Variants in SLC22A24 observed in about 807,000 individuals in gnomAD.
SLC22A24 encodes solute carrier family 22 member 24.
In SLC22A24, 53 loss-of-function variants were observed where a neutral mutation model predicts 49.8. The ratio of observed to expected loss-of-function variants is 1.06; its 90% CI spans 0.85 to 1.34. SLC22A24 has a LOEUF of 1.34. SLC22A24 is among the 40% of genes most tolerant of loss of function. The probability of loss-of-function intolerance (pLI) is 0.00; values close to 1 mark genes in which losing one functional copy is unlikely to be tolerated. For missense variants in SLC22A24, 786 were observed against 675.9 expected (o/e 1.16, Z -1.81); for synonymous variants, 302 against 256.4 (o/e 1.18, Z -1.70).
intron 1 of SLC22A24, among the ~76,000 whole-genome samples, chr11:63,138,467 C>A (rs906885829): frequency 6.6e-6 from 1 of 151,610 alleles, no homozygotes; most frequent in Non-Finnish European, 1.5e-5. Flanking sequence ...ACGGTGAAAC[C>A]CTGTCTCTAC....
At chr11:63,112,749 T>C (rs11231365) in intron 4 of SLC22A24, among the ~76,000 whole-genome samples, 120,199 of 151,648 alleles carry the variant, frequency 0.79, 48,826 homozygotes, top group East Asian at 0.9. Context: ...GTTAATATTG[T>C]TACGTGTGAC....
chr11:63,096,970 GTATT>G (rs1239299361), intron 5 of SLC22A24, among the ~76,000 whole-genome samples: 2 of 152,042 alleles, frequency 1.3e-5, no homozygotes, highest in Non-Finnish European at 2.9e-5. Flanking sequence ...AATATAAAAT[GTATT>G]TAGCACAGGA....
intron 2 of SLC22A24, among the ~76,000 whole-genome samples, chr11:63,130,101 T>C (rs1430442703): frequency 6.6e-6 from 1 of 152,224 alleles, no homozygotes; most frequent in Non-Finnish European, 1.5e-5. Context: ...AGTATGATAT[T>C]GGCTTTGGGT....
chr11:63,131,578 C>A (rs1388982293), intron 2 of SLC22A24, among the ~76,000 whole-genome samples: 1 of 152,140 alleles, frequency 6.6e-6, no homozygotes, highest in Non-Finnish European at 1.5e-5. Context: ...GTTGAAAATT[C>A]TTTTTTTAAG....
intron 2 of SLC22A24, among the ~76,000 whole-genome samples, chr11:63,129,459 T>C (rs1243049380): frequency 6.6e-6 from 1 of 152,166 alleles, no homozygotes; most frequent in East Asian, 1.9e-4. Flanking sequence ...GGCTATGCGG[T>C]CTCTTTTTGG....
At chr11:63,112,581 A>AT (rs1162865823) in intron 4 of SLC22A24, among the ~76,000 whole-genome samples, 1 of 151,906 alleles carries the variant, frequency 6.6e-6, no homozygotes, top group Non-Finnish European at 1.5e-5. Flanking sequence ...GGATTCTTTG[A>AT]TTTTTTGAAG....
At chr11:63,084,938 A>ATTTTTTT (rs35160977) in intron 6 of SLC22A24, among the ~76,000 whole-genome samples, 1 of 146,562 alleles carries the variant, frequency 6.8e-6, no homozygotes. Flanking sequence ...AGAGGATGGG[A>ATTTTTTT]TTTTTTTTTT....
At chr11:63,084,688 T>C (rs916783905) in intron 6 of SLC22A24, among the ~76,000 whole-genome samples, 1 of 152,062 alleles carries the variant, frequency 6.6e-6, no homozygotes, top group African/African-American at 2.4e-5. Context: ...TCTTTCCCCC[T>C]CTCTAGGTAT....
chr11:63,083,441 G>T lies in SLC22A24; in HGVS notation c.1087C>A (p.Pro363Thr). The T allele has an allele frequency of 6.4e-7, 1 of 1,551,140 alleles. No homozygotes were observed. Among genetic ancestry groups the T allele is most frequent in the Non-Finnish European group, 8.7e-7 (1 of 1,146,610 alleles). Residue 363 changes from proline to threonine, a missense_variant, in exon 7 of 10, where the codon CCC (proline) becomes ACC (threonine). Physicochemically the swap from Pro to Thr is conservative, Grantham distance 38. Transcript: ENST00000612278. ...LCFVRFAITV[P>T]FYGLILNLQH... ...AAGTTGAGTATCAGGCCATAAAAGG[G>T]TACAGTGATTGCGAATCTGAAGTGA...
chr11:63,141,056 G>A (rs2087412344), intron 1 of SLC22A24, among the ~76,000 whole-genome samples: 1 of 152,158 alleles, frequency 6.6e-6, no homozygotes, highest in South Asian at 2.1e-4. Flanking sequence ...CTGGGCCCAT[G>A]TGTCCAAATA....
intron 2 of SLC22A24, among the ~76,000 whole-genome samples, chr11:63,128,358 AGC>A (rs2087307740): frequency 2.0e-5 from 3 of 152,206 alleles, no homozygotes; most frequent in Admixed American, 2.0e-4. Context: ...GTCTAGTCGT[AGC>A]GTCAGTGCCT....
chr11:63,090,848 T>C (rs10897344), intron 6 of SLC22A24, among the ~76,000 whole-genome samples: 151,939 of 152,142 alleles, frequency 1, 75,869 homozygotes, highest in Middle Eastern at 1. Context: ...AAAACTGACA[T>C]TCTAATATCA....
At chr11:63,093,338 C>T (rs942571219) in intron 6 of SLC22A24, among the ~76,000 whole-genome samples, 3 of 152,168 alleles carry the variant, frequency 2.0e-5, no homozygotes, top group Non-Finnish European at 4.4e-5. Flanking sequence ...AATCCCATTG[C>T]TGGGTATATA....
chr11:63,080,264 G>A (rs1191326426), intron 9 of SLC22A24, among the ~76,000 whole-genome samples: 2 of 152,102 alleles, frequency 1.3e-5, no homozygotes, highest in Admixed American at 6.6e-5. Flanking sequence ...GTAAATCAAA[G>A]CGAGAATTGA....
At chr11:63,099,604 C>T (rs1435942516) in intron 5 of SLC22A24, among the ~76,000 whole-genome samples, 4 of 151,724 alleles carry the variant, frequency 2.6e-5, no homozygotes, top group African/African-American at 9.7e-5. Context: ...GATACCCAAA[C>T]CAGACAGAGA....
intron 7 of SLC22A24, among the ~76,000 whole-genome samples, chr11:63,082,910 A>G (rs1430332243): frequency 6.6e-6 from 1 of 152,234 alleles, no homozygotes; most frequent in Non-Finnish European, 1.5e-5. Flanking sequence ...CCTCCACAAT[A>G]GCTATAAAAG....
At chr11:63,120,456 AAAAT>A (rs2087243753) in intron 2 of SLC22A24, among the ~76,000 whole-genome samples, 2 of 152,008 alleles carry the variant, frequency 1.3e-5, no homozygotes, top group African/African-American at 2.4e-5. Flanking sequence ...AATATAATAA[AAAAT>A]AAATAAAAAA....
intron 1 of SLC22A24, among the ~76,000 whole-genome samples, chr11:63,137,706 A>G (rs1049164461): frequency 3.9e-5 from 6 of 152,328 alleles, no homozygotes; most frequent in South Asian, 2.1e-4. Context: ...AGCATCTTGC[A>G]AATTAAGAAT....
At chr11:63,117,073 GC>G (rs2087217580) in intron 4 of SLC22A24, among the ~76,000 whole-genome samples, 1 of 152,144 alleles carries the variant, frequency 6.6e-6, no homozygotes, top group Admixed American at 6.5e-5. Flanking sequence ...CCAACATCTG[GC>G]TTGTCAGGTA....
Sources: gnomAD v4.1 joint callset for allele counts (sites outside exome capture counted in the v4.1 genomes callset) on GRCh38, gnomAD v4.1.1 for gene constraint, MANE v1.5 for transcripts, NCBI Gene and HGNC (gene_info 2026-07-23, HGNC 2026-07-21) for gene names.